MYSM1: variants seen among roughly 807,000 people sequenced by gnomAD.
MYSM1 encodes the protein deubiquitinase MYSM1.
Under a neutral mutation model 116.0 loss-of-function variants are expected in MYSM1, and 51 were observed. That is an observed-to-expected ratio of 0.44 (90% CI 0.35 to 0.56). MYSM1 has a LOEUF of 0.56. Ranked by LOEUF, MYSM1 falls within the 20% of genes least tolerant of loss-of-function variation. The probability of loss-of-function intolerance (pLI) is 0.00; values close to 1 mark genes in which losing one functional copy is unlikely to be tolerated. For synonymous variants in MYSM1, 313 were observed against 315.2 expected (o/e 0.99, Z 0.07); for missense variants, 900 against 974.9 (o/e 0.92, Z 1.02).
rs28626236 is a variant in MYSM1 at position 58,661,301 on chromosome 1, C to T, written c.2271-74G>A. 3.3e-3 allele frequency: 4,486 copies of T among 1,359,508 alleles called. 102 individuals carry two copies. In the African/African-American group the frequency reaches 0.056, roughly 17 times the overall value. 84.2% of individuals were successfully genotyped at this position (1,359,508 alleles called of 1,614,324 possible). On this transcript the variant is annotated intron_variant, in intron 18 of 19. Coordinates refer to ENST00000472487, the MANE Select transcript of MYSM1 (RefSeq NM_001085487.3). ...TAATCAGTTTCATAATAAACTATCA[C>T]GGATGCCATACATCACAATTTTATA...
At chr1:58,677,256 T>A (rs1258505711) in intron 8 of MYSM1, among the ~76,000 whole-genome samples, 200 bp from the exon 9 acceptor site, 1 of 152,182 alleles carries the variant, frequency 6.6e-6, no homozygotes, top group East Asian at 1.9e-4. Context: ...TACAATAACT[T>A]ATTAGCATAA....
intron 2 of MYSM1, among the ~76,000 whole-genome samples, chr1:58,693,525 A>C (rs1458474777): frequency 6.6e-6 from 1 of 152,234 alleles, no homozygotes; most frequent in East Asian, 1.9e-4. Flanking sequence ...ACTCTACGAA[A>C]GGCACTATTA....
chr1:58,661,246 A>G lies in MYSM1; in HGVS notation c.2271-19T>C. The G allele has an allele frequency of 6.2e-7, 1 of 1,602,950 alleles. No homozygotes were observed. Among genetic ancestry groups the G allele is most frequent in the Non-Finnish European group, 8.5e-7 (1 of 1,170,138 alleles). On this transcript the variant is annotated intron_variant, in intron 18 of 19. Coordinates refer to ENST00000472487, the MANE Select transcript of MYSM1 (RefSeq NM_001085487.3). The stretch of plus-strand genomic sequence containing the variant: ...GACGCTGCTGTAGGAAGAAATATGA[A>G]AACAAACTGGTGAAACGAATACTAT...
intron 6 of MYSM1, among the ~76,000 whole-genome samples, chr1:58,688,163 T>C (rs1036324224): frequency 6.6e-6 from 1 of 151,914 alleles, no homozygotes; most frequent in Non-Finnish European, 1.5e-5. Context: ...AACCTCAAGA[T>C]CATTTATATA....
intron 7 of MYSM1, among the ~76,000 whole-genome samples, 168 bp from the exon 8 acceptor site, chr1:58,682,713 T>C (rs1442230232): frequency 6.7e-6 from 1 of 149,020 alleles, no homozygotes; most frequent in Non-Finnish European, 1.5e-5. Context: ...TTTTTTTTTT[T>C]GAGACGGAGT....
chr1:58,682,489 T>C lies in MYSM1; in HGVS notation c.555A>G (p.Gln185=). 6.2e-7 allele frequency: 1 copy of C among 1,613,894 alleles called. No homozygotes were observed. The highest frequency in any genetic ancestry group is 8.5e-7 in the Non-Finnish European group (1 of 1,179,906). Residue 185 remains glutamine (Q), a synonymous_variant, in exon 8 of 20, where the codon CAA becomes CAG. Transcript: ENST00000472487. ...TPNQKTGHNL[Q]VKNEDKGTKA... ...TTGTCCCTTTATCTTCATTTTTAAC[T>C]TGAAGATTATGGCCGGTCTTCTGAT... is the stretch of plus-strand genomic sequence containing the variant.
chr1:58,656,096 G>A lies in MYSM1; in HGVS notation c.*3901C>T, dbSNP rs232853. 6.6e-6 allele frequency: 1 copy of A among 151,940 alleles called. No homozygotes were observed. Among genetic ancestry groups the A allele is most frequent in the Non-Finnish European group, 1.5e-5 (1 of 68,038 alleles). 9.4% of individuals were successfully genotyped at this position (151,940 alleles called of 1,614,324 possible). ...TCCAGCTCACCTCATCAGGACCCAG[G>A]AAGAGAAATGGGAGGAAGGTAATGC... On this transcript the variant is annotated 3_prime_UTR_variant, in exon 20 of 20. Coordinates refer to ENST00000472487, the MANE Select transcript of MYSM1 (RefSeq NM_001085487.3).
rs373663858 is a variant in MYSM1 at position 58,676,973 on chromosome 1, C to T, written c.1343G>A (p.Arg448Gln). 8.7e-6 allele frequency: 14 copies of T among 1,611,670 alleles called. No homozygotes were observed. Among genetic ancestry groups the T allele is most frequent in the South Asian group, 7.7e-5 (7 of 90,786 alleles). Residue 448 changes from arginine to glutamine, a missense_variant, in exon 9 of 20, where the codon CGG (arginine) becomes CAG (glutamine). Around this residue, in one of 3 missense-constraint regions of MYSM1, gnomAD observed 622 missense variants for 623.7 expected, o/e 1.00. Transcript: ENST00000472487. ...KNCGDVNCIG[R>Q]IHTYLELIGA... Reference sequence around the variant, plus strand: ...TATCAATTCGAGGTATGTATGAATCCGTCCAATACAATTAACATCTCCACA... The same window carrying T: ...TATCAATTCGAGGTATGTATGAATCTGTCCAATACAATTAACATCTCCACA...
chr1:58,663,335 T>C (rs1644421845), intron 17 of MYSM1, among the ~76,000 whole-genome samples: 1 of 152,096 alleles, frequency 6.6e-6, no homozygotes, highest in Admixed American at 6.5e-5. Flanking sequence ...GTTTCTTTTA[T>C]AGAGAATATT....
chr1:58,693,484 ATCTCCACCTGCT>A (rs1211614961), intron 2 of MYSM1, among the ~76,000 whole-genome samples: 1 of 152,144 alleles, frequency 6.6e-6, no homozygotes, highest in East Asian at 1.9e-4. Flanking sequence ...ACCATCACTT[ATCTCCACCTGCT>A]TCTCCCTCTG....
At chr1:58,672,298 C>T (rs183302618) in intron 11 of MYSM1, among the ~76,000 whole-genome samples, 141 of 152,136 alleles carry the variant, frequency 9.3e-4, no homozygotes, top group Middle Eastern at 3.4e-3. Context: ...AGTTTTCTTT[C>T]ACAACTGAGA....
chr1:58,674,296 T>A (rs1248794669), intron 10 of MYSM1, among the ~76,000 whole-genome samples: 1 of 152,198 alleles, frequency 6.6e-6, no homozygotes, highest in African/African-American at 2.4e-5. Flanking sequence ...AATTATTATT[T>A]CCAGCTTTAG....
intron 17 of MYSM1, among the ~76,000 whole-genome samples, chr1:58,663,515 G>C (rs1644424473): frequency 6.6e-6 from 1 of 152,172 alleles, no homozygotes; most frequent in Non-Finnish European, 1.5e-5. Context: ...TCTTGCACCA[G>C]AGGATTTCTA....
In MYSM1 at chr1:58,689,118, T is replaced by C; in HGVS notation, c.321-2A>G. 6.3e-7 allele frequency: 1 copy of C among 1,587,220 alleles called. No individual in the cohort carries two copies. Among genetic ancestry groups the C allele is most frequent in the Non-Finnish European group, 8.5e-7 (1 of 1,173,482 alleles). ...GCTGGTTTTGTAGGAGAGTGTACCC[T>C]GAGGGGAAAAAAAGGAATTGCAAAA... On this transcript the variant is annotated splice_acceptor_variant, in intron 5 of 19. Transcript: ENST00000472487. LOFTEE classifies it high-confidence loss of function.
At chr1:58,683,628 TA>T (rs1644781288) in intron 7 of MYSM1, among the ~76,000 whole-genome samples, 1 of 152,202 alleles carries the variant, frequency 6.6e-6, no homozygotes, top group Non-Finnish European at 1.5e-5. Context: ...ACGAAGTTTT[TA>T]AAAAGTCTTA....
chr1:58,664,753 C>A (rs1396218272), intron 17 of MYSM1, among the ~76,000 whole-genome samples: 1 of 152,158 alleles, frequency 6.6e-6, no homozygotes, highest in Admixed American at 6.6e-5. Flanking sequence ...TATTTATTCT[C>A]AAAGAGCTCA....
chr1:58,679,614 G>A (rs111894618), intron 8 of MYSM1, among the ~76,000 whole-genome samples: 8 of 152,010 alleles, frequency 5.3e-5, no homozygotes, highest in Admixed American at 2.0e-4. Flanking sequence ...ACACAACACC[G>A]CGCCTAAGTT....
At chr1:58,698,102 A>ATATATATTTATATATTTTTTTTTTTT in intron 1 of MYSM1, among the ~76,000 whole-genome samples, 1 of 7,776 alleles carries the variant, frequency 1.3e-4, no homozygotes, top group East Asian at 5.7e-3. Flanking sequence ...ATATATATAT[A>ATATATATTTATATATTTTTTTTTTTT]TTTTTTTTTT....
rs772076346 is a variant in MYSM1 at position 58,689,053 on chromosome 1, C to T, written c.384G>A (p.Leu128=). 1 of 1,611,140 alleles carries T rather than the reference C, an allele frequency of 6.2e-7. No homozygotes were observed. The highest frequency in any genetic ancestry group is 8.5e-7 in the Non-Finnish European group (1 of 1,179,362). ...SVKWTIEEKE[L]FEQGLAKFGR... ...CTCTATTTACCAGCCCTTGTTCAAA[C>T]AGCTCTTTTTCTTCTATCGTCCACT... The change falls in exon 6 of 20, where the codon CTG becomes CTA. Residue 128 remains leucine, a synonymous_variant. Transcript: ENST00000472487.
Sources: gnomAD v4.1 joint callset for allele counts (sites outside exome capture counted in the v4.1 genomes callset) on GRCh38, gnomAD v4.1.1 for gene constraint, gnomAD v4.1.1 regional missense constraint, MANE v1.5 for transcripts, NCBI Gene and HGNC (gene_info 2026-07-23, HGNC 2026-07-21) for gene names.